SLCO5A1: variants seen among roughly 807,000 people sequenced by gnomAD.
SLCO5A1 encodes the protein solute carrier organic anion transporter family member 5A1.
A neutral mutation model predicts 65.1 loss-of-function variants in SLCO5A1; 39 were observed. That is an observed-to-expected ratio of 0.60 (90% CI 0.46 to 0.78). SLCO5A1 has a LOEUF of 0.78. SLCO5A1 is among the 30% of genes least tolerant of loss of function. The pLI is 0.00. For missense variants in SLCO5A1, 1,029 were observed against 1,069.4 expected (o/e 0.96, Z 0.53); for synonymous variants, 438 against 415.7 (o/e 1.05, Z -0.65).
rs145942791 is a variant in SLCO5A1 at position 69,795,711 on chromosome 8, A to G, written c.908-33836T>C. 6.7e-3 allele frequency among the ~76,000 whole-genome samples: 1,017 copies of G among 152,344 alleles called. 11 individuals carry two copies. The highest frequency in any genetic ancestry group is 0.023 in the African/African-American group (957 of 41,576). ...CCCTCTTCTCACAGCTCCACTAGGCAGTGCCCCAATGGGGACTTTGTGTGG... is the reference window on the plus strand; with the variant it reads ...CCCTCTTCTCACAGCTCCACTAGGCGGTGCCCCAATGGGGACTTTGTGTGG... On this transcript the variant is annotated intron_variant, in intron 2 of 9. Coordinates refer to ENST00000260126, the MANE Select transcript of SLCO5A1 (RefSeq NM_030958.3).
At chr8:69,757,679 C>CA (rs200776564) in intron 3 of SLCO5A1, among the ~76,000 whole-genome samples, 2,621 of 151,922 alleles carry the variant, frequency 0.017, 71 homozygotes, top group African/African-American at 0.06. Flanking sequence ...AACTCTGTCT[C>CA]AAAAAAAATA....
At chr8:69,723,405 C>A (rs1277615574) in intron 5 of SLCO5A1, among the ~76,000 whole-genome samples, 2 of 151,996 alleles carry the variant, frequency 1.3e-5, no homozygotes, top group African/African-American at 4.8e-5. Context: ...GCACAAGCCA[C>A]CATGCCCACC....
chr8:69,727,819 G>C (rs1033583951), intron 5 of SLCO5A1, among the ~76,000 whole-genome samples: 1 of 152,212 alleles, frequency 6.6e-6, no homozygotes, highest in Non-Finnish European at 1.5e-5. Context: ...AAAGAGCGTG[G>C]GAAGGATGAG....
At chr8:69,726,804 A>G (rs886658145) in intron 5 of SLCO5A1, among the ~76,000 whole-genome samples, 1 of 151,762 alleles carries the variant, frequency 6.6e-6, no homozygotes, top group African/African-American at 2.4e-5. Context: ...CCCGGCCTCT[A>G]CCTCCTATTA....
At chr8:69,732,934 A>G (rs2130838393) in intron 5 of SLCO5A1, among the ~76,000 whole-genome samples, 1 of 152,274 alleles carries the variant, frequency 6.6e-6, no homozygotes, top group African/African-American at 2.4e-5. Flanking sequence ...CAAGGAGTAC[A>G]AGACTCTAGC....
intron 4 of SLCO5A1, among the ~76,000 whole-genome samples, chr8:69,744,100 G>A (rs1248668316): frequency 1.3e-5 from 2 of 152,132 alleles, no homozygotes; most frequent in Non-Finnish European, 2.9e-5. Flanking sequence ...GCTGGAACTG[G>A]CTTCTGCTCT....
Position 69,833,059 on chromosome 8 carries a change from G to A in SLCO5A1, c.-386C>T. The A allele has an allele frequency of 4.1e-6, 1 of 242,308 alleles. No individual in the cohort carries two copies. Among genetic ancestry groups the A allele is most frequent in the Non-Finnish European group, 7.6e-6 (1 of 131,340 alleles). 15.0% of individuals were successfully genotyped at this position (242,308 alleles called of 1,614,324 possible). A position where few individuals can be genotyped will look rare whatever the true frequency, so the allele number is the denominator to read the frequency against. The stretch of plus-strand genomic sequence containing the variant: ...GGAGCGAGTGCACCCTGCGCCGGGG[G>A]TGGGGGGGCACTTAGCGCTGCTGTC... On this transcript the variant is annotated 5_prime_UTR_variant, in exon 2 of 10. Coordinates refer to ENST00000260126, the MANE Select transcript of SLCO5A1 (RefSeq NM_030958.3).
At chr8:69,780,721 C>T (rs901197145) in intron 2 of SLCO5A1, among the ~76,000 whole-genome samples, 4 of 151,960 alleles carry the variant, frequency 2.6e-5, no homozygotes, top group Admixed American at 6.5e-5. Flanking sequence ...GTGATGGATA[C>T]CCTAAAAGGC....
At chr8:69,701,577 C>A (rs747166859) in intron 6 of SLCO5A1, among the ~76,000 whole-genome samples, 3 of 152,220 alleles carry the variant, frequency 2.0e-5, no homozygotes, top group Non-Finnish European at 2.9e-5. Flanking sequence ...TCCTATGGAT[C>A]CCAGGTCTTT....
intron 2 of SLCO5A1, among the ~76,000 whole-genome samples, chr8:69,785,655 T>C (rs975244347): frequency 6.6e-6 from 1 of 152,220 alleles, no homozygotes; most frequent in African/African-American, 2.4e-5. Flanking sequence ...ACAAAACTAG[T>C]AAGCAGTAGA....
intron 5 of SLCO5A1, chr8:69,713,643 T>C (rs1053796114): frequency 6.6e-6 from 1 of 152,204 alleles, no homozygotes; most frequent in African/African-American, 2.4e-5. Context: ...TTACAATCAA[T>C]AGTATGCAAG....
intron 5 of SLCO5A1, among the ~76,000 whole-genome samples, chr8:69,732,092 TA>T (rs763849973): frequency 1.2e-4 from 19 of 152,220 alleles, no homozygotes; most frequent in Admixed American, 2.0e-4. Context: ...CTCTTGCATC[TA>T]AAGATGAAGT....
intron 2 of SLCO5A1, among the ~76,000 whole-genome samples, chr8:69,785,978 T>C (rs556940469): frequency 2.6e-5 from 4 of 152,350 alleles, no homozygotes; most frequent in African/African-American, 9.6e-5. Context: ...AAATACACTA[T>C]GTGAAATTTT....
rs1297234453 is a variant in SLCO5A1, at chr8:69,795,824, C to T, written c.908-33949G>A. Among the ~76,000 whole-genome samples, 4 of 152,230 alleles carry T rather than the reference C, an allele frequency of 2.6e-5. No homozygotes were observed. In the East Asian group the frequency reaches 7.7e-4, roughly 29 times the overall value. On this transcript the variant is annotated intron_variant, in intron 2 of 9. Transcript: ENST00000260126. The stretch of plus-strand genomic sequence containing the variant: ...ACCCTGCAGCAGGCTTCTACCTGGA[C>T]ATTCAGGCTTTACCAAACATCCTCT...
At chr8:69,693,327 T>C (rs1289820422) in intron 6 of SLCO5A1, among the ~76,000 whole-genome samples, 1 of 152,192 alleles carries the variant, frequency 6.6e-6, no homozygotes, top group African/African-American at 2.4e-5. Flanking sequence ...CCATTTTGGC[T>C]TCACAGGAAA....
At chr8:69,810,215 T>C (rs1261553981) in intron 2 of SLCO5A1, among the ~76,000 whole-genome samples, 1 of 152,176 alleles carries the variant, frequency 6.6e-6, no homozygotes. Context: ...CACAGCATCC[T>C]GCAAAAGTCG....
chr8:69,698,905 C>T (rs112306890), intron 6 of SLCO5A1, among the ~76,000 whole-genome samples: 96 of 152,176 alleles, frequency 6.3e-4, no homozygotes, highest in African/African-American at 2.2e-3. Context: ...ATACAACTGA[C>T]GAAACTTCTG....
chr8:69,832,725 G>T lies in SLCO5A1; in HGVS notation c.-52C>A, dbSNP rs1821228336. On this transcript the variant is annotated 5_prime_UTR_variant, in exon 2 of 10. Coordinates refer to ENST00000260126, the MANE Select transcript of SLCO5A1 (RefSeq NM_030958.3). This position sits in a 1 kb window ranked among gnomAD's most constrained non-coding sequence, Gnocchi z 4.5. ...TGATGGCACCCAAGCACTCCGGCAC[G>T]TTTCATCCACCGGCACGAGGGGCCG... 1 of 1,529,826 alleles carries T rather than the reference G, an allele frequency of 6.5e-7. No homozygotes were observed. Among genetic ancestry groups the T allele is most frequent in the East Asian group, 2.3e-5 (1 of 44,042 alleles). The allele number at this position is 1,529,826 out of a possible 1,614,324, so 94.8% of individuals were successfully genotyped here.
chr8:69,678,492 A>C (rs780755983), intron 8 of SLCO5A1, among the ~76,000 whole-genome samples: 8 of 152,222 alleles, frequency 5.3e-5, no homozygotes, highest in Non-Finnish European at 1.2e-4. Flanking sequence ...CTTTAGATGA[A>C]TGCACACTTA....
Sources: gnomAD v4.1 joint callset for allele counts (sites outside exome capture counted in the v4.1 genomes callset) on GRCh38, gnomAD v4.1.1 for gene constraint, Gnocchi (gnomAD v3.1) non-coding constraint, MANE v1.5 for transcripts, NCBI Gene and HGNC (gene_info 2026-07-23, HGNC 2026-07-21) for gene names.